Variants in CNTNAP3B observed in about 807,000 individuals in gnomAD.
CNTNAP3B encodes the protein contactin associated protein family member 3B.
CNTNAP3B carries 25 observed loss-of-function variants against 108.9 expected under a neutral mutation model. The ratio of observed to expected loss-of-function variants is 0.23; its 90% confidence interval spans 0.17 to 0.32. CNTNAP3B has a LOEUF of 0.32. Among genes scored for constraint, CNTNAP3B ranks in the 10% least tolerant of loss-of-function variants. The pLI is 1.00. For synonymous variants in CNTNAP3B, 103 were observed against 473.4 expected, an observed-to-expected ratio of 0.22 and a Z score of 10.16; for missense variants, 252 against 1,210.4, an observed-to-expected ratio of 0.21 and a Z score of 11.75.
intron 12 of CNTNAP3B, among the ~76,000 whole-genome samples, chr9:41,956,486 G>A (rs1221498081): frequency 2.0e-5 from 3 of 152,250 alleles, no homozygotes; most frequent in Admixed American, 6.5e-5. Context: ...TAGAACTACT[G>A]TAAACGGGGA....
intron 4 of CNTNAP3B, among the ~76,000 whole-genome samples, chr9:41,999,345 C>T (rs1364716853): frequency 1.4e-4 from 2 of 14,182 alleles, no homozygotes; most frequent in South Asian, 4.5e-3. Flanking sequence ...AACTCTATAA[C>T]GTGGGTGGGC....
chr9:41,994,521 T>C, intron 7 of CNTNAP3B: 1 of 125,218 alleles, frequency 8.0e-6, no homozygotes, highest in African/African-American at 1.1e-4. Context: ...ACTCTTCCCT[T>C]TGGTGTTTCC....
At chr9:41,948,393 G>A (rs1194759532) in intron 13 of CNTNAP3B, among the ~76,000 whole-genome samples, 1 of 152,196 alleles carries the variant, frequency 6.6e-6, no homozygotes, top group Non-Finnish European at 1.5e-5. Context: ...GGCCTTACTG[G>A]AGAATTCTAC....
intron 9 of CNTNAP3B, chr9:41,979,776 A>G (rs559956181): frequency 1.2e-4 from 12 of 102,646 alleles, no homozygotes; most frequent in African/African-American, 4.8e-4. Context: ...TTTTGTAGAT[A>G]CAGGGTTTCA....
At chr9:41,943,367 T>C (rs1369536319) in intron 13 of CNTNAP3B, among the ~76,000 whole-genome samples, 54 of 122,550 alleles carry the variant, frequency 4.4e-4, no homozygotes, top group African/African-American at 1.7e-3. Flanking sequence ...TTTTTTTTTT[T>C]TTTGAGATGG....
intron 18 of CNTNAP3B, among the ~76,000 whole-genome samples, chr9:41,915,968 G>A (rs1249261619): frequency 6.6e-6 from 1 of 151,488 alleles, no homozygotes; most frequent in African/African-American, 2.4e-5. Context: ...CTTAATACAA[G>A]TGAGATTTAG....
At position 41,953,478 on chromosome 9, in the gene CNTNAP3B, A is replaced by G. The variant is rs1337539211; in HGVS notation, c.1877-92T>C. On this transcript the variant is annotated intron_variant, in intron 12 of 23. Coordinates refer to ENST00000377561, the MANE Select transcript of CNTNAP3B (RefSeq NM_001201380.3). The stretch of plus-strand genomic sequence containing the variant: ...GACCTTTTATGTGAATTAACGTTTA[A>G]TTGAAATTTACATTACTGCATGTTT... 9.5e-6 allele frequency: 14 copies of G among 1,467,354 alleles called. No individual in the cohort carries two copies. The Admixed American group carries it at 1.2e-4, about 13-fold the overall frequency. 90.9% of individuals were successfully genotyped at this position (1,467,354 alleles called of 1,614,324 possible).
intron 3 of CNTNAP3B, among the ~76,000 whole-genome samples, chr9:42,028,770 C>T (rs1411630272): frequency 5.3e-5 from 8 of 150,068 alleles, no homozygotes; most frequent in African/African-American, 1.7e-4. Context: ...TAAAATAATG[C>T]TTAGCATTTA....
chr9:42,123,477 T>A (rs1251179904), intron 1 of CNTNAP3B, among the ~76,000 whole-genome samples: 1 of 129,152 alleles, frequency 7.7e-6, no homozygotes, highest in Non-Finnish European at 1.6e-5. Context: ...CAAAGACTAA[T>A]TCAACTGTTT....
intron 14 of CNTNAP3B, among the ~76,000 whole-genome samples, chr9:41,932,378 G>C (rs1264504353): frequency 6.6e-6 from 1 of 151,870 alleles, no homozygotes; most frequent in Non-Finnish European, 1.5e-5. Context: ...ACTTTCCTAG[G>C]AAGTGTGAAA....
At chr9:41,964,065 C>T (rs1289935247) in intron 11 of CNTNAP3B, among the ~76,000 whole-genome samples, 2 of 152,406 alleles carry the variant, frequency 1.3e-5, no homozygotes, top group East Asian at 3.9e-4. Context: ...AAAAATCTTG[C>T]CATGTACAAT....
At position 42,112,201 on chromosome 9, in the gene CNTNAP3B, G is replaced by A. The variant is rs1223834114; in HGVS notation, c.86-7462C>T. Among the ~76,000 whole-genome samples, 2 of 140,044 alleles carry A rather than the reference G, an allele frequency of 1.4e-5. 1 individual carries two copies. Among genetic ancestry groups the A allele is most frequent in the Admixed American group, 1.4e-4 (2 of 14,104 alleles). The allele number at this position is 140,044 out of a possible 152,430, so 91.9% of individuals were successfully genotyped here. ...GATGACATTGCAGCCCCTGCTGTCT[G>A]CGAGTTCCCATCACTTATTATCTTC... On this transcript the variant is annotated intron_variant, in intron 1 of 23. Coordinates refer to ENST00000377561, the MANE Select transcript of CNTNAP3B (RefSeq NM_001201380.3).
intron 14 of CNTNAP3B, among the ~76,000 whole-genome samples, chr9:41,934,811 T>G (rs1375547777): frequency 3.4e-3 from 515 of 152,172 alleles, no homozygotes; most frequent in Non-Finnish European, 5.0e-3. Context: ...GGTTTTTAAA[T>G]GAACAGAGTT....
In CNTNAP3B at chr9:41,934,735, A is replaced by G. The variant is rs1438447048; in HGVS notation, c.2237+3509T>C. Among the ~76,000 whole-genome samples the G allele has an allele frequency of 2.0e-5, 3 of 152,404 alleles. No individual in the cohort carries two copies. The East Asian group carries it at 5.8e-4, about 29-fold the overall frequency. On this transcript the variant is annotated intron_variant, in intron 14 of 23. Coordinates refer to ENST00000377561, the MANE Select transcript of CNTNAP3B (RefSeq NM_001201380.3). ...TTAGTTTCAACTTCACCGAGTGCTT[A>G]TATTTTATCTTTTGTAAACAAGCTA...
chr9:42,030,805 G>C (rs763032749), intron 3 of CNTNAP3B, among the ~76,000 whole-genome samples: 18,726 of 63,032 alleles, frequency 0.3, 3,260 homozygotes, highest in Admixed American at 0.39. Context: ...GAGAGAGAGA[G>C]AGAGAGAGGA....
intron 13 of CNTNAP3B, among the ~76,000 whole-genome samples, chr9:41,940,973 G>A (rs1435278592): frequency 6.6e-6 from 1 of 152,362 alleles, no homozygotes; most frequent in Non-Finnish European, 1.5e-5. Flanking sequence ...GAAAAGAGAA[G>A]AAATATGGAT....
At chr9:42,038,536 C>A (rs1181986586) in intron 3 of CNTNAP3B, among the ~76,000 whole-genome samples, 1 of 119,642 alleles carries the variant, frequency 8.4e-6, no homozygotes, top group Non-Finnish European at 1.8e-5. Flanking sequence ...ACAAAGAAGG[C>A]CATTACATAA....
chr9:42,089,667 T>G (rs1827776371), intron 2 of CNTNAP3B, among the ~76,000 whole-genome samples: 1 of 148,406 alleles, frequency 6.7e-6, no homozygotes, highest in South Asian at 2.2e-4. Context: ...CTCTGCCTCT[T>G]AATCACTGAA....
chr9:41,937,105 A>G lies in CNTNAP3B; in HGVS notation c.2237+1139T>C, dbSNP rs528609382. ...ACCTGGAATGACCATTACATTTTTTATTTATTAATTTATTATTATTATTAT... is the reference window on the plus strand; with the variant it reads ...ACCTGGAATGACCATTACATTTTTTGTTTATTAATTTATTATTATTATTAT... On this transcript the variant is annotated intron_variant, in intron 14 of 23. Transcript: ENST00000377561. Among the ~76,000 whole-genome samples, 4 of 109,752 alleles carry G rather than the reference A, an allele frequency of 3.6e-5. No individual in the cohort carries two copies. In the South Asian group the frequency reaches 1.1e-3, roughly 30 times the overall value. The allele number at this position is 109,752 out of a possible 152,430, so 72.0% of individuals were successfully genotyped here. A position where few individuals can be genotyped will look rare whatever the true frequency, so the allele number is the denominator to read the frequency against.
Sources: gnomAD v4.1 joint callset for allele counts (sites outside exome capture counted in the v4.1 genomes callset) on GRCh38, gnomAD v4.1.1 for gene constraint, MANE v1.5 for transcripts, NCBI Gene and HGNC (gene_info 2026-07-23, HGNC 2026-07-21) for gene names.